AFF3: variants seen among roughly 807,000 people sequenced by gnomAD.
AFF3 encodes ALF transcription elongation factor 3, also known as AF4/FMR2 family member 3.
A neutral mutation model predicts 129.7 loss-of-function variants in AFF3; 32 were observed. The observed-to-expected ratio is 0.25, with a 90% confidence interval of 0.19 to 0.33. The LOEUF is 0.33. AFF3 is among the 10% of genes least tolerant of loss of function. AFF3 has a pLI of 1.00. For missense variants in AFF3, 1,373 were observed against 1,592.0 expected, an observed-to-expected ratio of 0.86 and a Z score of 2.34; for synonymous variants, 644 against 635.4, an observed-to-expected ratio of 1.01 and a Z score of -0.20.
chr2:99,928,580 C>T (rs1282840832), intron 7 of AFF3, among the ~76,000 whole-genome samples: 9 of 152,292 alleles, frequency 5.9e-5, no homozygotes, highest in African/African-American at 2.2e-4. Context: ...TGAAAGACTC[C>T]TTCAAAAGTT....
At chr2:99,761,173 T>A (rs942218608) in intron 8 of AFF3, among the ~76,000 whole-genome samples, 1 of 150,928 alleles carries the variant, frequency 6.6e-6, no homozygotes, top group Non-Finnish European at 1.5e-5. Flanking sequence ...AAGGGATACG[T>A]TCAGGTGACT....
chr2:99,558,693 T>A lies in AFF3; in HGVS notation c.3285+182A>T, dbSNP rs114638938. Among the ~76,000 whole-genome samples, 970 of 152,240 alleles carry A rather than the reference T, an allele frequency of 6.4e-3. 5 individuals carry two copies. Among genetic ancestry groups the A allele is most frequent in the African/African-American group, 0.02 (829 of 41,530 alleles). On this transcript the variant is annotated intron_variant, in intron 22 of 24. Coordinates refer to ENST00000672756, the MANE Select transcript of AFF3 (RefSeq NM_001386135.1). ...CAAGAAGGCAGGGAGATACATTAGATGGGCTCTCAAAGGTCCATTCTGAGG... is the reference window on the plus strand; with the variant it reads ...CAAGAAGGCAGGGAGATACATTAGAAGGGCTCTCAAAGGTCCATTCTGAGG...
At chr2:99,700,261 T>C (rs1575734676) in intron 11 of AFF3, among the ~76,000 whole-genome samples, 2 of 152,130 alleles carry the variant, frequency 1.3e-5, no homozygotes, top group South Asian at 2.1e-4. Context: ...GCTGGGATTA[T>C]AGGCGTGTGC....
At chr2:99,966,237 A>T (rs1677732500) in intron 7 of AFF3, among the ~76,000 whole-genome samples, 1 of 152,192 alleles carries the variant, frequency 6.6e-6, no homozygotes, top group Non-Finnish European at 1.5e-5. Context: ...TGGACTTAAT[A>T]GGTTTGTACT....
At chr2:99,981,722 A>G (rs1679423613) in intron 7 of AFF3, among the ~76,000 whole-genome samples, 1 of 152,178 alleles carries the variant, frequency 6.6e-6, no homozygotes, top group African/African-American at 2.4e-5. Flanking sequence ...TTGATATATA[A>G]GAGTACTTCA....
chr2:99,828,047 A>C (rs916400656), intron 8 of AFF3, among the ~76,000 whole-genome samples: 1 of 152,120 alleles, frequency 6.6e-6, no homozygotes, highest in African/African-American at 2.4e-5. Context: ...CCCAATGGGC[A>C]CCTTACAAAA....
intron 10 of AFF3, among the ~76,000 whole-genome samples, chr2:99,731,327 G>C (rs1205615188): frequency 2.6e-5 from 4 of 152,102 alleles, no homozygotes; most frequent in Non-Finnish European, 5.9e-5. Context: ...AAAGACAAGA[G>C]GCAAGGTATT....
rs1174713250 is a variant in AFF3 at position 100,129,217 on chromosome 2, T to A, written c.-145+7A>T. 1 of 152,208 alleles carries A rather than the reference T, an allele frequency of 6.6e-6. No individual in the cohort carries two copies. The highest frequency in any genetic ancestry group is 1.9e-4 in the East Asian group (1 of 5,196). The allele number at this position is 152,208 out of a possible 1,614,324, so 9.4% of individuals were successfully genotyped here. A position where few individuals can be genotyped will look rare whatever the true frequency, so the allele number is the denominator to read the frequency against. On this transcript the variant is annotated splice_region_variant and intron_variant, in intron 2 of 24. Transcript: ENST00000672756. ...CAGAGATATCACTGTATCACTTGAA[T>A]GTGTACCTGCTTGCCAGTTACTCCG...
Position 100,048,821 on chromosome 2 carries a change from A to G in AFF3, c.54-39889T>C, listed in dbSNP as rs140342514. Among the ~76,000 whole-genome samples the G allele has an allele frequency of 2.2e-3, 338 of 152,318 alleles. 3 individuals carry two copies. The highest frequency in any genetic ancestry group is 0.02 in the Middle Eastern group (6 of 294). On this transcript the variant is annotated intron_variant, in intron 4 of 24. Coordinates refer to ENST00000672756, the MANE Select transcript of AFF3 (RefSeq NM_001386135.1). ...AATCTATAACCAAAATTAACATGGG[A>G]TTTCTTTATTGATGTTCACGCTCAC...
chr2:99,842,319 A>G (rs1689377316), intron 7 of AFF3, among the ~76,000 whole-genome samples: 1 of 152,190 alleles, frequency 6.6e-6, no homozygotes, highest in South Asian at 2.1e-4. Flanking sequence ...CAACAAGATT[A>G]AAATATGCAT....
intron 16 of AFF3, among the ~76,000 whole-genome samples, chr2:99,585,913 T>A (rs1266869022): frequency 1.3e-5 from 2 of 152,054 alleles, no homozygotes; most frequent in Non-Finnish European, 2.9e-5. Flanking sequence ...ATATTTTTAG[T>A]AGATACGGGG....
At chr2:99,619,628 C>T (rs1378011453) in intron 13 of AFF3, among the ~76,000 whole-genome samples, 3 of 152,268 alleles carry the variant, frequency 2.0e-5, no homozygotes, top group South Asian at 2.1e-4. Flanking sequence ...GGGGCGTGCC[C>T]GGGATTGGGT....
At chr2:99,846,420 G>A (rs1038959759) in intron 7 of AFF3, among the ~76,000 whole-genome samples, 2 of 152,252 alleles carry the variant, frequency 1.3e-5, no homozygotes, top group African/African-American at 4.8e-5. Flanking sequence ...GTGAGCCACT[G>A]CGCCTGGCCG....
At chr2:100,104,710 C>T in intron 3 of AFF3, 192 bp from the exon 4 acceptor site, 1 of 963,000 alleles carries the variant, frequency 1.0e-6, no homozygotes, top group Non-Finnish European at 1.2e-6. Flanking sequence ...GAGAGAGCAG[C>T]GAGCTCGCCG....
At chr2:100,106,180 C>T (rs1691280322) in intron 2 of AFF3, 1 of 1,196,950 alleles carries the variant, frequency 8.4e-7, no homozygotes, top group Non-Finnish European at 1.1e-6. Context: ...TCAATCCTTT[C>T]TTCATTAGCA....
chr2:99,918,335 A>G (rs960293320), intron 7 of AFF3, among the ~76,000 whole-genome samples: 5 of 152,218 alleles, frequency 3.3e-5, no homozygotes, highest in African/African-American at 9.6e-5. Context: ...TGGGCCATTT[A>G]GAATAATTTG....
At chr2:99,900,854 C>A (rs955893941) in intron 7 of AFF3, among the ~76,000 whole-genome samples, 4 of 152,198 alleles carry the variant, frequency 2.6e-5, no homozygotes, top group African/African-American at 9.6e-5. Context: ...GTTTGATGAT[C>A]TCCGCAAAAT....
intron 8 of AFF3, among the ~76,000 whole-genome samples, chr2:99,776,806 C>T (rs745783136): frequency 6.6e-6 from 1 of 152,162 alleles, no homozygotes; most frequent in Non-Finnish European, 1.5e-5. Flanking sequence ...TAGACTCCAG[C>T]CAAAATTTGT....
At chr2:99,752,357 G>A in intron 8 of AFF3, 56 bp from the exon 9 acceptor site, 1 of 1,483,520 alleles carries the variant, frequency 6.7e-7, no homozygotes, top group East Asian at 2.3e-5. Flanking sequence ...TTTAAAATCA[G>A]CGGTATGTAA....
Sources: allele counts gnomAD v4.1 joint callset (sites outside exome capture counted in the v4.1 genomes callset), GRCh38; gene constraint gnomAD v4.1.1; transcripts MANE v1.5; gene names NCBI Gene and HGNC (gene_info 2026-07-23, HGNC 2026-07-21).